The following REPS1 variants were observed in gnomAD, a reference collection of about 807,000 sequenced individuals.
REPS1 encodes the protein ralBP1-associated Eps domain-containing protein 1.
REPS1 carries 39 observed loss-of-function variants against 100.9 expected under a neutral mutation model. That is an observed-to-expected ratio of 0.39 (90% confidence interval 0.30 to 0.50). The LOEUF (loss-of-function observed/expected upper bound fraction) is 0.50, where lower values mean the gene tolerates loss of function less well. Among genes scored for constraint, REPS1 ranks in the 20% least tolerant of loss-of-function variants. REPS1 has a pLI of 0.86. For missense variants in REPS1, 821 were observed against 968.5 expected (o/e 0.85, Z 2.02); for synonymous variants, 324 against 340.3 (o/e 0.95, Z 0.53).
chr6:138,980,563 C>A (rs1365957535), intron 1 of REPS1, among the ~76,000 whole-genome samples: 2 of 152,006 alleles, frequency 1.3e-5, no homozygotes, highest in East Asian at 3.9e-4. Flanking sequence ...CCCATCCAGG[C>A]ATCCTCTAAG....
chr6:138,964,205 CTTGT>C (rs549483208), intron 1 of REPS1, among the ~76,000 whole-genome samples: 61 of 152,008 alleles, frequency 4.0e-4, no homozygotes, highest in African/African-American at 1.4e-3. Context: ...CAGACATTCT[CTTGT>C]TTTTTTTTTC....
At position 138,971,061 on chromosome 6, in the gene REPS1, G is replaced by A. The variant is rs549224937; in HGVS notation, c.153+16469C>T. ...AGTGCTAGTGAGAAACAGTAAGTTT[G>A]GATTCACTCCAGAATCAAATCTTAG... On this transcript the variant is annotated intron_variant, in intron 1 of 19. Transcript: ENST00000450536. Among the ~76,000 whole-genome samples the A allele has an allele frequency of 5.9e-5, 9 of 152,260 alleles. No individual in the cohort carries two copies. The East Asian group carries it at 1.5e-3, about 26-fold the overall frequency.
intron 12 of REPS1, among the ~76,000 whole-genome samples, chr6:138,918,917 A>C (rs975309892): frequency 6.6e-6 from 1 of 152,232 alleles, no homozygotes; most frequent in Non-Finnish European, 1.5e-5. Flanking sequence ...TATGTTCAAG[A>C]GTCATAAGCT....
intron 1 of REPS1, among the ~76,000 whole-genome samples, chr6:138,980,528 C>T (rs1378538367): frequency 2.7e-5 from 4 of 150,456 alleles, no homozygotes; most frequent in Non-Finnish European, 4.4e-5. Context: ...CTATATGAAA[C>T]ACCTTATTCT....
intron 8 of REPS1, among the ~76,000 whole-genome samples, chr6:138,933,563 T>C (rs1188891): frequency 0.36 from 55,417 of 152,084 alleles, 11,923 homozygotes; most frequent in Admixed American, 0.51. Flanking sequence ...ACCCCTGGTA[T>C]ACCTCAAACA....
intron 2 of REPS1, among the ~76,000 whole-genome samples, chr6:138,947,034 T>C (rs1291738034): frequency 2.3e-4 from 14 of 61,412 alleles, no homozygotes; most frequent in African/African-American, 1.1e-3. Flanking sequence ...TATTCCCCCT[T>C]GCTCTCTCTC....
At position 138,905,295 on chromosome 6, in the gene REPS1, T is replaced by C. The variant is rs2128418974; in HGVS notation, c.2323-163A>G. On this transcript the variant is annotated intron_variant, in intron 19 of 19. Coordinates refer to ENST00000450536, the MANE Select transcript of REPS1 (RefSeq NM_001286611.2). ...TACTTCACTTTAGAAATGTAGTTTC[T>C]TTTTTTTGAGACGGAGTCTCGCTCT... 2.0e-5 allele frequency among the ~76,000 whole-genome samples: 3 copies of C among 152,292 alleles called. No homozygotes were observed. In the South Asian group the frequency reaches 6.2e-4, roughly 32 times the overall value.
Position 138,914,763 on chromosome 6 carries a change from T to C in REPS1, c.1721-2A>G. The C allele has an allele frequency of 6.2e-7, 1 of 1,608,716 alleles. No homozygotes were observed. Among genetic ancestry groups the C allele is most frequent in the Non-Finnish European group, 8.5e-7 (1 of 1,178,548 alleles). ...CAACAACTCCAGCCTGTTGTTGTCC[T>C]GCATGAATACAAAAGTTCTTCTTTT... On this transcript the variant is annotated splice_acceptor_variant, in intron 14 of 19. Coordinates refer to ENST00000450536, the MANE Select transcript of REPS1 (RefSeq NM_001286611.2). LOFTEE classifies it high-confidence loss of function.
At chr6:138,983,264 C>A (rs747299365) in intron 1 of REPS1, among the ~76,000 whole-genome samples, 2 of 152,066 alleles carry the variant, frequency 1.3e-5, no homozygotes, top group Non-Finnish European at 2.9e-5. Context: ...CCAGCCTGGC[C>A]AATATGGTGA....
At chr6:138,947,124 G>A (rs930791396) in intron 2 of REPS1, among the ~76,000 whole-genome samples, 13 of 150,210 alleles carry the variant, frequency 8.7e-5, no homozygotes, top group East Asian at 2.0e-4. Context: ...GTTCTGCCAC[G>A]ATTGTAGGTT....
chr6:138,964,349 T>C (rs2128494684), intron 1 of REPS1, among the ~76,000 whole-genome samples: 1 of 152,322 alleles, frequency 6.6e-6, no homozygotes, highest in South Asian at 2.1e-4. Context: ...TAAAATTAAC[T>C]GTCTATATGT....
intron 1 of REPS1, among the ~76,000 whole-genome samples, chr6:138,983,464 A>C (rs1244059524): frequency 2.6e-5 from 4 of 152,114 alleles, no homozygotes; most frequent in Non-Finnish European, 5.9e-5. Flanking sequence ...CAAAAAATAA[A>C]AATAAAAATA....
In REPS1 at chr6:138,987,691, C is replaced by A. The variant is rs1224636754; in HGVS notation, c.-9G>T. ...AGCGTTAAGCCTTCCATCTTCGCCTCCGGCTCACGGCCGCCCCGCCCCGCA... is the reference window on the plus strand; with the variant it reads ...AGCGTTAAGCCTTCCATCTTCGCCTACGGCTCACGGCCGCCCCGCCCCGCA... On this transcript the variant is annotated 5_prime_UTR_variant, in exon 1 of 20. Transcript: ENST00000450536. 6.5e-7 allele frequency: 1 copy of A among 1,537,950 alleles called. No individual in the cohort carries two copies. The highest frequency in any genetic ancestry group is 2.0e-5 in the Admixed American group (1 of 49,700).
intron 1 of REPS1, among the ~76,000 whole-genome samples, chr6:138,960,265 G>C (rs1166367223): frequency 6.6e-6 from 1 of 152,100 alleles, no homozygotes; most frequent in Non-Finnish European, 1.5e-5. Flanking sequence ...CAATGTTGTA[G>C]ACTCTAGAGC....
At chr6:138,945,829 T>A in intron 2 of REPS1, 132 bp from the exon 3 acceptor site, 3 of 701,028 alleles carry the variant, frequency 4.3e-6, no homozygotes, top group Non-Finnish European at 4.4e-6. Context: ...AAAATGTCTA[T>A]CACCACAAAA....
intron 1 of REPS1, among the ~76,000 whole-genome samples, chr6:138,952,559 C>T (rs1317953084): frequency 1.3e-5 from 2 of 151,750 alleles, no homozygotes; most frequent in African/African-American, 2.4e-5. Context: ...ACCAATACCC[C>T]TGGCTAATTT....
chr6:138,934,328 T>C, intron 8 of REPS1: 1 of 470,926 alleles, frequency 2.1e-6, no homozygotes, highest in East Asian at 6.9e-5. Flanking sequence ...GCATCAGGGC[T>C]GAAAAAGAAG....
chr6:138,959,516 T>G (rs891078220), intron 1 of REPS1, among the ~76,000 whole-genome samples: 1 of 152,214 alleles, frequency 6.6e-6, no homozygotes. Flanking sequence ...TTTCAGTCAT[T>G]AATAGGTTAA....
At chr6:138,937,526 A>G (rs1781930785) in intron 8 of REPS1, among the ~76,000 whole-genome samples, 1 of 152,116 alleles carries the variant, frequency 6.6e-6, no homozygotes, top group Non-Finnish European at 1.5e-5. Flanking sequence ...TGGCTTAAAA[A>G]AAATTCGTGT....
Sources: gnomAD v4.1 joint callset for allele counts (sites outside exome capture counted in the v4.1 genomes callset) on GRCh38, gnomAD v4.1.1 for gene constraint, MANE v1.5 for transcripts, NCBI Gene and HGNC (gene_info 2026-07-23, HGNC 2026-07-21) for gene names.